Variants in LRRK1 observed in about 807,000 individuals in gnomAD.
The protein encoded by LRRK1 is leucine rich repeat kinase 1.
Under a neutral mutation model 209.1 loss-of-function variants are expected in LRRK1, and 113 were observed. That is an observed-to-expected ratio of 0.54 (90% CI 0.46 to 0.63). The LOEUF is 0.63. LRRK1 is among the 30% of genes least tolerant of loss of function. LRRK1 has a pLI of 0.00. For missense variants in LRRK1, 2,284 were observed against 2,632.2 expected, an observed-to-expected ratio of 0.87 and a Z score of 2.89; for synonymous variants, 1,144 against 1,099.7, an observed-to-expected ratio of 1.04 and a Z score of -0.80.
intron 2 of LRRK1, among the ~76,000 whole-genome samples, chr15:100,925,925 A>G (rs1350308662): frequency 2.6e-5 from 4 of 152,240 alleles, no homozygotes; most frequent in Non-Finnish European, 5.9e-5. Context: ...TGAAAGGGTC[A>G]ACAGGTTGGG....
intron 2 of LRRK1, among the ~76,000 whole-genome samples, chr15:100,940,766 T>G (rs1403734699): frequency 6.6e-6 from 1 of 152,258 alleles, no homozygotes; most frequent in Non-Finnish European, 1.5e-5. Flanking sequence ...GCTCCCATGC[T>G]AACTCAGTCT....
intron 10 of LRRK1, 115 bp downstream of exon 10, chr15:101,012,260 G>A (rs1447362509): frequency 7.9e-6 from 8 of 1,015,648 alleles, no homozygotes; most frequent in East Asian, 2.5e-5. Context: ...AAGGGGAAAA[G>A]ATGAAGAAAA....
intron 2 of LRRK1, among the ~76,000 whole-genome samples, chr15:100,963,957 A>G (rs1206251033): frequency 6.6e-6 from 1 of 152,204 alleles, no homozygotes. Context: ...TTCCCCCAGG[A>G]GACCAACCTG....
intron 2 of LRRK1, among the ~76,000 whole-genome samples, chr15:100,951,910 A>G (rs906810862): frequency 1.3e-5 from 2 of 151,586 alleles, no homozygotes; most frequent in Admixed American, 6.6e-5. Context: ...CTGAGATCGC[A>G]CCATTGCACT....
intron 6 of LRRK1, among the ~76,000 whole-genome samples, chr15:100,997,063 T>C (rs771940167): frequency 3.0e-4 from 43 of 143,320 alleles, no homozygotes; most frequent in Admixed American, 7.1e-4. Context: ...TATCTATAGA[T>C]ATGATTATTA....
intron 11 of LRRK1, among the ~76,000 whole-genome samples, chr15:101,014,699 C>T (rs1078513): frequency 0.77 from 117,206 of 152,186 alleles, 45,612 homozygotes; most frequent in Middle Eastern, 0.89. Flanking sequence ...CCTCTGTTCA[C>T]GTCTGTGACC....
intron 33 of LRRK1, chr15:101,067,359 C>A: frequency 2.2e-6 from 1 of 446,928 alleles, no homozygotes; most frequent in Non-Finnish European, 4.5e-6. Flanking sequence ...GTGTTTACAC[C>A]CCGCACTTTG....
chr15:101,062,731 A>T (rs760587528), intron 31 of LRRK1, 41 bp downstream of exon 31: 5 of 1,425,636 alleles, frequency 3.5e-6, no homozygotes, highest in South Asian at 3.4e-5. Flanking sequence ...TCTCTGATGC[A>T]CTTCCACGCC....
chr15:101,026,032 G>T lies in LRRK1; in HGVS notation c.2300G>T (p.Arg767Leu). ...CTGGATTTAATTGAAGCCAAGTTCC[G>T]TGTGGAAAGGATTGCAACGCTGCGT... ...THLDLIEAKF[R>L]VERIATLRAY... The change falls in exon 17 of 34, where the codon CGT (arginine) becomes CTT (leucine). Residue 767 changes from arginine (R) to leucine (L), a missense_variant. Transcript: ENST00000388948. 12 of 1,614,258 alleles carry T rather than the reference G, an allele frequency of 7.4e-6. No homozygotes were observed. The highest frequency in any genetic ancestry group is 1.0e-5 in the Non-Finnish European group (12 of 1,180,044).
intron 3 of LRRK1, among the ~76,000 whole-genome samples, chr15:100,981,884 A>C (rs1444376281): frequency 1.3e-5 from 2 of 152,158 alleles, no homozygotes; most frequent in Non-Finnish European, 2.9e-5. Flanking sequence ...CTCCAAACAC[A>C]CTTGTGTTAT....
At chr15:100,962,794 C>CATATAT (rs769399875) in intron 2 of LRRK1, among the ~76,000 whole-genome samples, 1 of 39,412 alleles carries the variant, frequency 2.5e-5, no homozygotes, top group African/African-American at 8.8e-5. Flanking sequence ...TTTCATTTTG[C>CATATAT]ATATATATAT....
intron 11 of LRRK1, 75 bp from the exon 12 acceptor site, chr15:101,015,251 C>T: frequency 1.7e-6 from 2 of 1,185,316 alleles, no homozygotes; most frequent in Non-Finnish European, 2.5e-6. Context: ...CGTGGCTTGG[C>T]ATTATAACAT....
At position 101,077,425 on chromosome 15, in the gene LRRK1, G is replaced by GAAC. The variant is rs1252539795; in HGVS notation, c.*8578_*8580dup. 2.6e-5 allele frequency: 4 copies of GAAC among 151,964 alleles called. No homozygotes were observed. The highest frequency in any genetic ancestry group is 9.7e-5 in the African/African-American group (4 of 41,340). The allele number at this position is 151,964 out of a possible 1,614,324, so 9.4% of individuals were successfully genotyped here. A position where few individuals can be genotyped will look rare whatever the true frequency, so the allele number is the denominator to read the frequency against. ...GGTGCTATCCCCAAACCGCCACTCT[G>GAAC]AACTCTTAAATACATAATCTTTGCT... On this transcript the variant is annotated 3_prime_UTR_variant, in exon 34 of 34. Coordinates refer to ENST00000388948, the MANE Select transcript of LRRK1 (RefSeq NM_024652.6).
At chr15:101,009,342 G>C (rs1396668463) in intron 7 of LRRK1, among the ~76,000 whole-genome samples, 1 of 152,206 alleles carries the variant, frequency 6.6e-6, no homozygotes, top group African/African-American at 2.4e-5. Flanking sequence ...AATCAGATGA[G>C]GGCAGCCAAA....
intron 6 of LRRK1, among the ~76,000 whole-genome samples, chr15:100,991,173 C>T (rs966848642): frequency 2.0e-5 from 3 of 152,210 alleles, no homozygotes; most frequent in East Asian, 1.9e-4. Context: ...TTGGGATTCT[C>T]AGTACTGGTT....
Position 101,022,856 on chromosome 15 carries a change from C to T in LRRK1, c.2067+259C>T, listed in dbSNP as rs981746052. Among the ~76,000 whole-genome samples the T allele has an allele frequency of 6.6e-6, 1 of 151,496 alleles. No individual in the cohort carries two copies. The highest frequency in any genetic ancestry group is 2.1e-4 in the South Asian group (1 of 4,782). ...TGAGACAGGGTTTCACTGTGTCTCT[C>T]AGGCTGGATGCATCCTCAACCTCCC... On this transcript the variant is annotated intron_variant, in intron 15 of 33. Coordinates refer to ENST00000388948, the MANE Select transcript of LRRK1 (RefSeq NM_024652.6). This position sits in a 1 kb window ranked among gnomAD's most constrained non-coding sequence, Gnocchi z 4.0.
At position 101,049,786 on chromosome 15, in the gene LRRK1, A is replaced by G. The variant is rs542268342; in HGVS notation, c.3439+3A>G. The G allele has an allele frequency of 6.2e-7, 1 of 1,612,250 alleles. No individual in the cohort carries two copies. Among genetic ancestry groups the G allele is most frequent in the East Asian group, 2.2e-5 (1 of 44,806 alleles). On this transcript the variant is annotated splice_donor_region_variant and intron_variant, in intron 23 of 33. Coordinates refer to ENST00000388948, the MANE Select transcript of LRRK1 (RefSeq NM_024652.6). ...CTTGATTGATCAGTGGTTTCCCGGT[A>G]AGAGGAGATGCTAGAAGCAAGCCCT...
intron 20 of LRRK1, among the ~76,000 whole-genome samples, 185 bp downstream of exon 20, chr15:101,029,417 G>A (rs528059200): frequency 2.7e-5 from 4 of 150,612 alleles, no homozygotes; most frequent in East Asian, 1.9e-4. Flanking sequence ...CAGTGAGCAC[G>A]GCTGGCCGCT....
chr15:100,960,091 A>C (rs762944510), intron 2 of LRRK1, among the ~76,000 whole-genome samples: 1 of 152,158 alleles, frequency 6.6e-6, no homozygotes, highest in Non-Finnish European at 1.5e-5. Flanking sequence ...GAAAATAGAG[A>C]AAAGGGTCTC....
Sources: gnomAD v4.1 joint callset for allele counts (sites outside exome capture counted in the v4.1 genomes callset) on GRCh38, gnomAD v4.1.1 for gene constraint, Gnocchi (gnomAD v3.1) non-coding constraint, MANE v1.5 for transcripts, NCBI Gene and HGNC (gene_info 2026-07-23, HGNC 2026-07-21) for gene names.